The following SLC44A5 variants were observed in gnomAD, a reference collection of about 807,000 sequenced individuals.
The protein encoded by SLC44A5 is choline transporter-like protein 5.
Under a neutral mutation model 101.8 loss-of-function variants are expected in SLC44A5, and 57 were observed. The observed-to-expected ratio is 0.56, with a 90% CI of 0.45 to 0.70. The LOEUF is 0.70. Ranked by LOEUF, SLC44A5 falls within the 30% of genes least tolerant of loss-of-function variation. The pLI is 0.00. For synonymous variants in SLC44A5, 281 were observed against 290.9 expected, an observed-to-expected ratio of 0.97 and a Z score of 0.35; for missense variants, 737 against 853.1, an observed-to-expected ratio of 0.86 and a Z score of 1.70.
intron 22 of SLC44A5, among the ~76,000 whole-genome samples, chr1:75,211,876 CCCTT>C (rs536011376): frequency 1.4e-5 from 2 of 145,870 alleles, no homozygotes; most frequent in Admixed American, 7.0e-5. Flanking sequence ...TTCCCTTCCT[CCCTT>C]CCTTCCTTCC....
intron 4 of SLC44A5, among the ~76,000 whole-genome samples, chr1:75,316,519 G>T (rs1337490000): frequency 1.3e-5 from 2 of 152,140 alleles, no homozygotes; most frequent in African/African-American, 4.8e-5. Flanking sequence ...CTAATTATTT[G>T]TACCTACTTG....
Position 75,219,891 on chromosome 1 carries a change from C to T in SLC44A5, c.1087G>A (p.Ala363Thr), listed in dbSNP as rs138182844. ...AIILLKEGSK[A>T]IGYVPSTLVY... The stretch of plus-strand genomic sequence containing the variant: ...AATGTACTAGGAACATATCCAATGG[C>T]TCTGAAATAAAACAAATAGTTGAAA... The change falls in exon 15 of 24, where the codon GCC (alanine) becomes ACC (threonine). Residue 363 changes from alanine (A) to threonine (T), a missense_variant and splice_region_variant. Coordinates refer to ENST00000370859, the MANE Select transcript of SLC44A5 (RefSeq NM_001130058.2). The T allele has an allele frequency of 1.1e-5, 18 of 1,590,706 alleles. No individual in the cohort carries two copies. The highest frequency in any genetic ancestry group is 1.5e-5 in the Non-Finnish European group (18 of 1,164,064).
chr1:75,498,078 A>G (rs549617455), intron 2 of SLC44A5, among the ~76,000 whole-genome samples: 1 of 152,340 alleles, frequency 6.6e-6, no homozygotes, highest in South Asian at 2.1e-4. Context: ...GAAAATTGCT[A>G]GAAAAAGATC....
At chr1:75,624,482 T>C in the SLC44A5 span, among the ~76,000 whole-genome samples, 1 of 152,090 alleles carries the variant, frequency 6.6e-6, no homozygotes, top group African/African-American at 2.4e-5. Context: ...TTATTACAAA[T>C]GGAGTTTACA....
intron 4 of SLC44A5, among the ~76,000 whole-genome samples, chr1:75,332,431 T>G (rs12078524): frequency 0.011 from 1,651 of 152,278 alleles, 35 homozygotes; most frequent in African/African-American, 0.038. Context: ...GGCATATAGG[T>G]ATATAAGTAA....
intron 2 of SLC44A5, among the ~76,000 whole-genome samples, chr1:75,425,299 A>T (rs1295111689): frequency 6.6e-6 from 1 of 152,230 alleles, no homozygotes; most frequent in Non-Finnish European, 1.5e-5. Context: ...TTAATTAAGC[A>T]TTGGGTGGTT....
intron 7 of SLC44A5, 24 bp from the exon 8 acceptor site, chr1:75,243,035 A>T: frequency 1.2e-6 from 2 of 1,600,626 alleles, no homozygotes; most frequent in Non-Finnish European, 1.7e-6. Context: ...AAGTGATGAG[A>T]ACTGAACTGA....
At chr1:75,695,931 C>T in the SLC44A5 span, among the ~76,000 whole-genome samples, 1 of 150,902 alleles carries the variant, frequency 6.6e-6, no homozygotes, top group Non-Finnish European at 1.5e-5. Flanking sequence ...CTGAGTGAAG[C>T]TGGGAAAGTC....
At chr1:75,477,917 C>T (rs1165640490) in intron 2 of SLC44A5, among the ~76,000 whole-genome samples, 1 of 151,952 alleles carries the variant, frequency 6.6e-6, no homozygotes, top group African/African-American at 2.4e-5. Flanking sequence ...CAAAGATACT[C>T]CTCGAGAACA....
At chr1:75,552,783 A>AAG (rs1672010058) in intron 1 of SLC44A5, among the ~76,000 whole-genome samples, 1 of 152,142 alleles carries the variant, frequency 6.6e-6, no homozygotes, top group Non-Finnish European at 1.5e-5. Flanking sequence ...CACAGTACCT[A>AAG]AGAGAAGCTC....
chr1:75,656,560 ATTGT>A, the SLC44A5 span, among the ~76,000 whole-genome samples: 1 of 152,172 alleles, frequency 6.6e-6, no homozygotes, highest in African/African-American at 2.4e-5. Flanking sequence ...TCTCTGCTTA[ATTGT>A]TTATTTTATT....
intron 5 of SLC44A5, among the ~76,000 whole-genome samples, chr1:75,276,667 G>C (rs1176428877): frequency 6.6e-6 from 1 of 152,156 alleles, no homozygotes; most frequent in African/African-American, 2.4e-5. Flanking sequence ...ATACAATATG[G>C]ACTCAGTAAT....
intron 3 of SLC44A5, among the ~76,000 whole-genome samples, chr1:75,359,972 G>T (rs1659369303): frequency 1.3e-5 from 2 of 152,002 alleles, no homozygotes; most frequent in African/African-American, 4.8e-5. Flanking sequence ...CTTTTTTTGA[G>T]AAATGTCTGT....
intron 14 of SLC44A5, among the ~76,000 whole-genome samples, chr1:75,221,310 G>T (rs775796569): frequency 2.0e-5 from 3 of 152,168 alleles, no homozygotes; most frequent in Non-Finnish European, 4.4e-5. Context: ...GAGAGCATGG[G>T]CTGTTGGCTT....
chr1:75,550,121 T>C (rs145571886), intron 1 of SLC44A5, among the ~76,000 whole-genome samples: 24 of 152,220 alleles, frequency 1.6e-4, no homozygotes, highest in African/African-American at 4.8e-4. Flanking sequence ...CAAATGTTCA[T>C]AGCAACATTT....
intron 2 of SLC44A5, among the ~76,000 whole-genome samples, chr1:75,436,209 T>C (rs1223286846): frequency 6.6e-6 from 1 of 152,094 alleles, no homozygotes; most frequent in Non-Finnish European, 1.5e-5. Flanking sequence ...AACCCTCAGT[T>C]TGGTTAGTTC....
At position 75,464,990 on chromosome 1, in the gene SLC44A5, A is replaced by G. The variant is rs982926674; in HGVS notation, c.14-68369T>C. Among the ~76,000 whole-genome samples the G allele has an allele frequency of 2.6e-5, 4 of 152,278 alleles. No individual in the cohort carries two copies. In the South Asian group the frequency reaches 8.3e-4, roughly 32 times the overall value. Reference sequence around the variant, plus strand: ...CCTTGGACAGATATTCTAGACAGAAAATCAACAAAGAAACATCATACTTCA... The same window carrying G: ...CCTTGGACAGATATTCTAGACAGAAGATCAACAAAGAAACATCATACTTCA... On this transcript the variant is annotated intron_variant, in intron 2 of 23. Transcript: ENST00000370859.
At chr1:75,676,604 C>A in the SLC44A5 span, among the ~76,000 whole-genome samples, 1 of 152,122 alleles carries the variant, frequency 6.6e-6, no homozygotes, top group Non-Finnish European at 1.5e-5. Context: ...GGCTTTATAA[C>A]AGGAGATAGA....
chr1:75,371,796 G>C (rs531032451), intron 3 of SLC44A5, among the ~76,000 whole-genome samples: 1 of 152,274 alleles, frequency 6.6e-6, no homozygotes, highest in Non-Finnish European at 1.5e-5. Flanking sequence ...ACCTTCTAAA[G>C]GCTGTTTTTC....
Sources: allele counts gnomAD v4.1 joint callset (sites outside exome capture counted in the v4.1 genomes callset), GRCh38; gene constraint gnomAD v4.1.1; transcripts MANE v1.5; gene names NCBI Gene and HGNC (gene_info 2026-07-23, HGNC 2026-07-21).